Variants in WDFY4 observed in about 807,000 individuals in gnomAD.
WDFY4 encodes the protein WD repeat- and FYVE domain-containing protein 4.
Under a neutral mutation model 351.9 loss-of-function variants are expected in WDFY4, and 169 were observed. That is an observed-to-expected ratio of 0.48 (90% CI 0.42 to 0.55). The LOEUF (loss-of-function observed/expected upper bound fraction) is 0.55. WDFY4 is among the 20% of genes least tolerant of loss of function. WDFY4 has a pLI of 0.00. For synonymous variants in WDFY4, 1,622 were observed against 1,574.6 expected, an observed-to-expected ratio of 1.03 and a Z score of -0.71; for missense variants, 3,803 against 3,935.6, an observed-to-expected ratio of 0.97 and a Z score of 0.90.
At chr10:48,886,842 A>G (rs1425491798) in intron 43 of WDFY4, among the ~76,000 whole-genome samples, 1 of 152,234 alleles carries the variant, frequency 6.6e-6, no homozygotes, top group South Asian at 2.1e-4. Context: ...GAGTGCTAAT[A>G]TATCATTCAG....
chr10:48,876,954 G>GC, intron 42 of WDFY4, 79 bp from the exon 43 acceptor site: 3 of 1,347,988 alleles, frequency 2.2e-6, no homozygotes, highest in Non-Finnish European at 2.9e-6. Flanking sequence ...CCTTGGTGAT[G>GC]TAGGCACATG....
At chr10:48,881,565 T>C (rs762685995) in intron 43 of WDFY4, among the ~76,000 whole-genome samples, 24 of 152,100 alleles carry the variant, frequency 1.6e-4, no homozygotes, top group Admixed American at 3.9e-4. Context: ...TGGACTGATG[T>C]GTGGTGAAAT....
At chr10:48,929,198 G>A (rs1027982578) in intron 47 of WDFY4, among the ~76,000 whole-genome samples, 1 of 152,036 alleles carries the variant, frequency 6.6e-6, no homozygotes, top group African/African-American at 2.4e-5. Flanking sequence ...TCTTTGCAGA[G>A]AGGAGGGGAT....
chr10:48,925,384 G>A (rs1426536629), intron 47 of WDFY4, among the ~76,000 whole-genome samples: 1 of 152,132 alleles, frequency 6.6e-6, no homozygotes, highest in African/African-American at 2.4e-5. Flanking sequence ...GGTGTGTTGG[G>A]AACCTCTGGG....
At chr10:48,729,746 G>A (rs2064392094) in intron 8 of WDFY4, among the ~76,000 whole-genome samples, 157 bp downstream of exon 8, 1 of 152,170 alleles carries the variant, frequency 6.6e-6, no homozygotes, top group Non-Finnish European at 1.5e-5. Context: ...TCTCCCATGG[G>A]ACTTAGTGGA....
At chr10:48,825,827 G>T (rs1204769782) in intron 35 of WDFY4, among the ~76,000 whole-genome samples, 1 of 148,782 alleles carries the variant, frequency 6.7e-6, no homozygotes. Flanking sequence ...TTATAAATTT[G>T]TTAAGTTCCC....
At chr10:48,942,676 G>A (rs1840840037) in intron 48 of WDFY4, among the ~76,000 whole-genome samples, 5 of 152,190 alleles carry the variant, frequency 3.3e-5, no homozygotes, top group Admixed American at 3.3e-4. Context: ...TCTCCCAAGG[G>A]GCAGGTTGAG....
At chr10:48,870,936 G>A (rs2069748033) in intron 40 of WDFY4, among the ~76,000 whole-genome samples, 1 of 124,112 alleles carries the variant, frequency 8.1e-6, no homozygotes, top group Non-Finnish European at 1.7e-5. Flanking sequence ...GGGTGGATAT[G>A]CGTTCTTTTT....
chr10:48,709,630 T>G (rs2063718352), intron 1 of WDFY4, 86 bp from the exon 2 acceptor site: 1 of 1,172,522 alleles, frequency 8.5e-7, no homozygotes, highest in African/African-American at 1.5e-5. Context: ...GAAACTGGGC[T>G]GAGTGAGTAC....
At chr10:48,856,484 T>C (rs1050634349) in intron 39 of WDFY4, among the ~76,000 whole-genome samples, 2 of 152,178 alleles carry the variant, frequency 1.3e-5, no homozygotes, top group Non-Finnish European at 2.9e-5. Context: ...TTTCTTCTTC[T>C]TTTAATTATA....
intron 50 of WDFY4, 32 bp downstream of exon 50, chr10:48,946,189 T>C (rs549299764): frequency 2.0e-6 from 3 of 1,484,904 alleles, no homozygotes; most frequent in South Asian, 1.2e-5. Context: ...TTTGGTGCAG[T>C]GTTATTCATC....
chr10:48,848,730 C>T (rs573730781), intron 39 of WDFY4, among the ~76,000 whole-genome samples: 56 of 152,334 alleles, frequency 3.7e-4, no homozygotes, highest in African/African-American at 1.2e-3. Flanking sequence ...AAGCCCCTCA[C>T]GGCGACACAG....
At chr10:48,720,848 G>A (rs2064061561) in intron 3 of WDFY4, among the ~76,000 whole-genome samples, 1 of 152,206 alleles carries the variant, frequency 6.6e-6, no homozygotes, top group African/African-American at 2.4e-5. Context: ...TTTCACAGTG[G>A]CTGAGGGCCG....
At chr10:48,697,880 G>A (rs939093055) in intron 1 of WDFY4, among the ~76,000 whole-genome samples, 6 of 152,050 alleles carry the variant, frequency 3.9e-5, no homozygotes, top group Non-Finnish European at 5.9e-5. Context: ...CTTGTCCCAC[G>A]GCCCCCATGT....
intron 47 of WDFY4, among the ~76,000 whole-genome samples, chr10:48,941,126 G>A (rs1840731577): frequency 6.6e-6 from 1 of 152,140 alleles, no homozygotes; most frequent in African/African-American, 2.4e-5. Flanking sequence ...CGGTGAATCA[G>A]TTAGGATCCA....
chr10:48,897,162 C>T (rs1036385040), intron 44 of WDFY4, among the ~76,000 whole-genome samples: 1 of 152,218 alleles, frequency 6.6e-6, no homozygotes, highest in African/African-American at 2.4e-5. Flanking sequence ...GAAACTGCGC[C>T]GTCATATTGC....
At chr10:48,842,331 T>G (rs895885575) in intron 39 of WDFY4, among the ~76,000 whole-genome samples, 4 of 151,804 alleles carry the variant, frequency 2.6e-5, no homozygotes, top group Non-Finnish European at 4.4e-5. Context: ...GCACAGCAGC[T>G]GGTGGTAGAT....
At chr10:48,816,865 A>G (rs538690714) in intron 31 of WDFY4, among the ~76,000 whole-genome samples, 7 of 152,332 alleles carry the variant, frequency 4.6e-5, no homozygotes, top group Non-Finnish European at 1.0e-4. Flanking sequence ...ATACAACAAT[A>G]ACAAAGTTAC....
At position 48,859,429 on chromosome 10, in the gene WDFY4, G is replaced by A. The variant is rs147658507; in HGVS notation, c.6664-7836G>A. ...TTTGCTGAGAGTTTTATCATAAATA[G>A]GTGTTAAATTTTATTGAATGTTATC... On this transcript the variant is annotated intron_variant, in intron 39 of 61. Transcript: ENST00000325239. Among the ~76,000 whole-genome samples the A allele has an allele frequency of 5.7e-3, 860 of 152,176 alleles. 9 individuals are homozygous for A. The highest frequency in any genetic ancestry group is 7.3e-3 in the South Asian group (35 of 4,816).
Sources: allele counts gnomAD v4.1 joint callset (sites outside exome capture counted in the v4.1 genomes callset), GRCh38; gene constraint gnomAD v4.1.1; transcripts MANE v1.5; gene names NCBI Gene and HGNC (gene_info 2026-07-23, HGNC 2026-07-21).